The following OSBPL2 variants were observed in gnomAD, a reference collection of about 807,000 sequenced individuals.
OSBPL2 encodes oxysterol binding protein like 2.
In OSBPL2, 18 loss-of-function variants were observed where a neutral mutation model predicts 58.4. That is an observed-to-expected ratio of 0.31 (90% confidence interval 0.21 to 0.46). The LOEUF (loss-of-function observed/expected upper bound fraction) is 0.46. OSBPL2 is among the 20% of genes least tolerant of loss of function. OSBPL2 has a pLI of 1.00. For synonymous variants in OSBPL2, 221 were observed against 234.1 expected (o/e 0.94, Z 0.51); for missense variants, 461 against 616.5 (o/e 0.75, Z 2.67).
At position 62,269,766 on chromosome 20, in the gene OSBPL2, G is replaced by T. The variant is rs528016334; in HGVS notation, c.259-2359G>T. On this transcript the variant is annotated intron_variant, in intron 4 of 13. Transcript: ENST00000313733. This position sits in a 1 kb window ranked among gnomAD's most constrained non-coding sequence, Gnocchi z 4.2. ...CCTTCTTTCTCTGCCACGTGTTCTT[G>T]CAGTGCCGAGCTCTGATCACAAGGG... is the stretch of plus-strand genomic sequence containing the variant. Among the ~76,000 whole-genome samples the T allele has an allele frequency of 6.6e-5, 10 of 152,332 alleles. No homozygotes were observed. The East Asian group carries it at 1.9e-3, about 29-fold the overall frequency.
chr20:62,275,817 G>A (rs1482680548), intron 6 of OSBPL2, among the ~76,000 whole-genome samples: 1 of 152,068 alleles, frequency 6.6e-6, no homozygotes, highest in East Asian at 1.9e-4. Flanking sequence ...TGCAATGAAT[G>A]GCATCTTGGG....
At chr20:62,281,954 G>A (rs916853087) in intron 9 of OSBPL2, 75 bp downstream of exon 9, 12 of 939,350 alleles carry the variant, frequency 1.3e-5, no homozygotes, top group Admixed American at 1.8e-5. Flanking sequence ...AGGTGCTCCT[G>A]GGCCTGCGTG....
chr20:62,266,565 C>T (rs1220570050), intron 4 of OSBPL2, among the ~76,000 whole-genome samples: 5 of 147,892 alleles, frequency 3.4e-5, no homozygotes, highest in African/African-American at 5.0e-5. Flanking sequence ...GTTCTGGATC[C>T]GAGGTGATTG....
At chr20:62,250,462 T>G (rs1363235667) in intron 1 of OSBPL2, among the ~76,000 whole-genome samples, 1 of 152,194 alleles carries the variant, frequency 6.6e-6, no homozygotes, top group Non-Finnish European at 1.5e-5. Context: ...TCAGTCTTGG[T>G]TGGACCACAC....
At chr20:62,266,648 T>G (rs910206826) in intron 4 of OSBPL2, among the ~76,000 whole-genome samples, 5 of 152,230 alleles carry the variant, frequency 3.3e-5, no homozygotes, top group Admixed American at 3.3e-4. Context: ...GCTGTGGCTC[T>G]TTCTGTTTGG....
intron 13 of OSBPL2, 23 bp from the exon 14 acceptor site, chr20:62,293,761 AC>A: frequency 6.2e-7 from 1 of 1,608,192 alleles, no homozygotes; most frequent in Non-Finnish European, 8.5e-7. Context: ...GCATCTTCTG[AC>A]CCCCCTCCCT....
chr20:62,290,206 A>G (rs746839281), intron 12 of OSBPL2, among the ~76,000 whole-genome samples: 9 of 152,138 alleles, frequency 5.9e-5, no homozygotes, highest in Admixed American at 2.6e-4. Flanking sequence ...AGGCAAATCC[A>G]AAGTGTCCTG....
chr20:62,271,790 G>T, intron 4 of OSBPL2: 1 of 268,108 alleles, frequency 3.7e-6, no homozygotes, highest in Non-Finnish European at 7.1e-6. Context: ...AGAAGATGTG[G>T]AGTAGGGGAG....
Position 62,240,995 on chromosome 20 carries a change from T to C in OSBPL2, c.-129+2398T>C, listed in dbSNP as rs188884141. On this transcript the variant is annotated intron_variant, in intron 1 of 13. Transcript: ENST00000313733. The stretch of plus-strand genomic sequence containing the variant: ...TTCCAGGGGACTTCACACACTGCCT[T>C]AGAGTACACACGTAGGACATTTTTC... Among the ~76,000 whole-genome samples, 269 of 152,264 alleles carry C rather than the reference T, an allele frequency of 1.8e-3. 1 individual carries two copies. Among genetic ancestry groups the C allele is most frequent in the African/African-American group, 6.1e-3 (255 of 41,544 alleles).
chr20:62,263,814 T>C lies in OSBPL2; in HGVS notation c.258+123T>C, dbSNP rs571733471. On this transcript the variant is annotated intron_variant, in intron 4 of 13. Coordinates refer to ENST00000313733, the MANE Select transcript of OSBPL2 (RefSeq NM_144498.4). ...GGCGCGGTGGCTCACGCCTATAATC[T>C]CAGCACTTTGGGAGGCCGAGGTGGG... The C allele has an allele frequency of 5.4e-5, 45 of 825,958 alleles. No individual in the cohort carries two copies. The East Asian group carries it at 5.6e-4, about 10-fold the overall frequency. The allele number at this position is 825,958 out of a possible 1,614,324, so 51.2% of individuals were successfully genotyped here.
intron 1 of OSBPL2, chr20:62,242,509 T>G (rs1346462801): frequency 1.3e-5 from 2 of 152,234 alleles, no homozygotes; most frequent in Non-Finnish European, 2.9e-5. Flanking sequence ...TTGCCTTCTG[T>G]TTTCAGTGGA....
rs888475762 is a variant in OSBPL2, at chr20:62,293,158, C to G, written c.1341-627C>G. Among the ~76,000 whole-genome samples, 8 of 150,442 alleles carry G rather than the reference C, an allele frequency of 5.3e-5. No individual in the cohort carries two copies. In the East Asian group the frequency reaches 1.6e-3, roughly 30 times the overall value. ...AATTACGGGCGTGAGCCACCGCGCC[C>G]GGCCTGTTCATTGTTTTTTTAAAGT... is the stretch of plus-strand genomic sequence containing the variant. On this transcript the variant is annotated intron_variant, in intron 13 of 13. Coordinates refer to ENST00000313733, the MANE Select transcript of OSBPL2 (RefSeq NM_144498.4).
chr20:62,249,311 A>G (rs1161902384), intron 1 of OSBPL2, among the ~76,000 whole-genome samples: 1 of 152,194 alleles, frequency 6.6e-6, no homozygotes, highest in Non-Finnish European at 1.5e-5. Flanking sequence ...GTTTTTCTCT[A>G]GAAGTAGAAA....
chr20:62,258,955 A>C (rs1016072668), intron 2 of OSBPL2: 2 of 152,234 alleles, frequency 1.3e-5, no homozygotes, highest in Non-Finnish European at 2.9e-5. Context: ...CCACCCCAGC[A>C]CTGCCTTTAT....
chr20:62,243,444 C>T (rs1350336619), intron 1 of OSBPL2, among the ~76,000 whole-genome samples: 1 of 105,714 alleles, frequency 9.5e-6, no homozygotes, highest in African/African-American at 3.0e-5. Flanking sequence ...GCAGCCCCTG[C>T]CCCGCAGCGC....
intron 4 of OSBPL2, among the ~76,000 whole-genome samples, chr20:62,270,989 T>C (rs1478269824): frequency 1.4e-5 from 2 of 146,724 alleles, no homozygotes; most frequent in Non-Finnish European, 3.0e-5. Flanking sequence ...GTCCTCTCCT[T>C]GTCCCTCTCT....
At chr20:62,276,989 C>T (rs1427345800) in intron 6 of OSBPL2, among the ~76,000 whole-genome samples, 1 of 152,232 alleles carries the variant, frequency 6.6e-6, no homozygotes, top group African/African-American at 2.4e-5. Flanking sequence ...TGGCTCACGC[C>T]TGTAATCCCA....
Position 62,260,186 on chromosome 20 carries a change from G to A in OSBPL2, c.182+61G>A, listed in dbSNP as rs1981206827. The A allele has an allele frequency of 3.9e-6, 6 of 1,528,698 alleles. 1 individual carries two copies. In the South Asian group the frequency reaches 7.0e-5, roughly 18 times the overall value. 94.7% of individuals were successfully genotyped at this position (1,528,698 alleles called of 1,614,324 possible). A position where few individuals can be genotyped will look rare whatever the true frequency, so the allele number is the denominator to read the frequency against. On this transcript the variant is annotated intron_variant, in intron 3 of 13. Coordinates refer to ENST00000313733, the MANE Select transcript of OSBPL2 (RefSeq NM_144498.4). Reference sequence around the variant, plus strand: ...TCTGTAATCACCCCAAAAATACTCTGCAGGGTACCCCTCAGCCCTCACGAG... The same window carrying A: ...TCTGTAATCACCCCAAAAATACTCTACAGGGTACCCCTCAGCCCTCACGAG...
At chr20:62,293,653 C>A (rs1983668919) in intron 13 of OSBPL2, 132 bp from the exon 14 acceptor site, 1 of 676,998 alleles carries the variant, frequency 1.5e-6, no homozygotes, top group Non-Finnish European at 2.4e-6. Context: ...AGTTGTTACG[C>A]TGGGCTGCAT....
Sources: allele counts gnomAD v4.1 joint callset (sites outside exome capture counted in the v4.1 genomes callset), GRCh38; gene constraint gnomAD v4.1.1; non-coding constraint Gnocchi (gnomAD v3.1); transcripts MANE v1.5; gene names NCBI Gene and HGNC (gene_info 2026-07-23, HGNC 2026-07-21).